Variants in PPP2R5E observed in about 807,000 individuals in gnomAD.
PPP2R5E encodes protein phosphatase 2 regulatory subunit B'epsilon.
Under a neutral mutation model 65.3 loss-of-function variants are expected in PPP2R5E, and 4 were observed. The ratio of observed to expected loss-of-function variants is 0.06; its 90% CI spans 0.03 to 0.14. The LOEUF (loss-of-function observed/expected upper bound fraction) is 0.14, where lower values mean the gene tolerates loss of function less well. Among genes scored for constraint, PPP2R5E ranks in the 10% least tolerant of loss-of-function variants. The pLI is 1.00. For synonymous variants in PPP2R5E, 183 were observed against 187.4 expected, an observed-to-expected ratio of 0.98 and a Z score of 0.19; for missense variants, 274 against 556.1, an observed-to-expected ratio of 0.49 and a Z score of 5.10.
intron 2 of PPP2R5E, among the ~76,000 whole-genome samples, chr14:63,537,243 A>C (rs900834665): frequency 1.3e-4 from 20 of 152,124 alleles, no homozygotes; most frequent in Non-Finnish European, 2.6e-4. Flanking sequence ...TTCTAAAAAA[A>C]AAAATTTAAC....
intron 6 of PPP2R5E, among the ~76,000 whole-genome samples, chr14:63,396,376 G>C (rs1358602143): frequency 8.9e-6 from 1 of 112,546 alleles, no homozygotes; most frequent in Non-Finnish European, 1.8e-5. Flanking sequence ...GGGGAGGAGA[G>C]GAGAAGATGG....
At chr14:63,496,722 A>C (rs139191152) in intron 2 of PPP2R5E, among the ~76,000 whole-genome samples, 52 of 152,242 alleles carry the variant, frequency 3.4e-4, no homozygotes, top group African/African-American at 1.3e-3. Flanking sequence ...TATTGATCTG[A>C]GTAATCAAAA....
At position 63,543,289 on chromosome 14, in the gene PPP2R5E, C is replaced by G. The variant is rs1414210189; in HGVS notation, c.-518G>C. 2.0e-5 allele frequency: 3 copies of G among 153,626 alleles called. No homozygotes were observed. Among genetic ancestry groups the G allele is most frequent in the Non-Finnish European group, 4.4e-5 (3 of 68,920 alleles). The allele number at this position is 153,626 out of a possible 1,614,324, so 9.5% of individuals were successfully genotyped here. ...CCACCTTTCGCTACCCGCGGTGGGTCCCAGTCAATGCCCCTTTCTCTCTCC... is the reference window on the plus strand; with the variant it reads ...CCACCTTTCGCTACCCGCGGTGGGTGCCAGTCAATGCCCCTTTCTCTCTCC... On this transcript the variant is annotated 5_prime_UTR_variant, in exon 1 of 14. Coordinates refer to ENST00000337537, the MANE Select transcript of PPP2R5E (RefSeq NM_006246.5).
chr14:63,477,912 C>T (rs1225504780), intron 2 of PPP2R5E, among the ~76,000 whole-genome samples: 1 of 151,756 alleles, frequency 6.6e-6, no homozygotes, highest in Non-Finnish European at 1.5e-5. Flanking sequence ...ATCCAAAAAT[C>T]CACGAGAGAA....
At chr14:63,386,534 A>T (rs7146445) in intron 11 of PPP2R5E, among the ~76,000 whole-genome samples, 1 of 152,010 alleles carries the variant, frequency 6.6e-6, no homozygotes, top group South Asian at 2.1e-4. Flanking sequence ...GACAGATGCT[A>T]TATCAGATAT....
intron 2 of PPP2R5E, among the ~76,000 whole-genome samples, chr14:63,512,769 G>A (rs1254795717): frequency 1.3e-5 from 2 of 152,042 alleles, no homozygotes; most frequent in Non-Finnish European, 1.5e-5. Context: ...CTGTAATTTT[G>A]AAAACTAAAA....
chr14:63,440,948 C>CAAAAAAAAAA lies in PPP2R5E; in HGVS notation c.354+12731_354+12740dup, dbSNP rs374563795. ...TGGGCAACAGAGCGAGACTCCATCT[C>CAAAAAAAAAA]AAAAAAAAAAAAAAAAAAAGAGTAT... is the stretch of plus-strand genomic sequence containing the variant. On this transcript the variant is annotated intron_variant, in intron 3 of 13. Transcript: ENST00000337537. Among the ~76,000 whole-genome samples the CAAAAAAAAAA allele has an allele frequency of 8.1e-3, 548 of 67,560 alleles. 13 individuals are homozygous for CAAAAAAAAAA. The highest frequency in any genetic ancestry group is 0.012 in the Non-Finnish European group (417 of 34,202). 44.3% of individuals were successfully genotyped at this position (67,560 alleles called of 152,430 possible).
At chr14:63,528,093 A>C (rs1420675400) in intron 2 of PPP2R5E, among the ~76,000 whole-genome samples, 1 of 152,192 alleles carries the variant, frequency 6.6e-6, no homozygotes, top group East Asian at 1.9e-4. Context: ...TTCAAATACA[A>C]AAGGTAGAAA....
intron 2 of PPP2R5E, among the ~76,000 whole-genome samples, chr14:63,529,491 G>C (rs1893320562): frequency 6.6e-6 from 1 of 151,816 alleles, no homozygotes; most frequent in Non-Finnish European, 1.5e-5. Flanking sequence ...CTTCCGAGTA[G>C]CTGGGACTAC....
intron 4 of PPP2R5E, among the ~76,000 whole-genome samples, chr14:63,417,188 T>C (rs560122477): frequency 1.3e-5 from 2 of 152,336 alleles, no homozygotes; most frequent in African/African-American, 2.4e-5. Context: ...CTTTTAAATG[T>C]TGACATGTTT....
chr14:63,425,662 A>T (rs983313670), intron 3 of PPP2R5E, among the ~76,000 whole-genome samples: 2 of 152,240 alleles, frequency 1.3e-5, no homozygotes, highest in Admixed American at 1.3e-4. Context: ...ACTAATAACT[A>T]ATTAGGAATA....
intron 3 of PPP2R5E, among the ~76,000 whole-genome samples, chr14:63,432,039 C>CAA (rs5809200): frequency 3.4e-5 from 4 of 116,208 alleles, no homozygotes; most frequent in South Asian, 2.8e-4. Context: ...AAGGGAATAT[C>CAA]AAAAAAAAAA....
intron 5 of PPP2R5E, among the ~76,000 whole-genome samples, chr14:63,414,473 A>T (rs1320534032): frequency 6.6e-6 from 1 of 152,122 alleles, no homozygotes; most frequent in Non-Finnish European, 1.5e-5. Context: ...ATTTTTAGAG[A>T]CGAATATATC....
rs543429412 is a variant in PPP2R5E at position 63,500,461 on chromosome 14, T to G, written c.157+39068A>C. ...ATTGACTAAATTCTAAACTCAGGAT[T>G]TAGGACAAAATAATAAAACTGATAT... is the stretch of plus-strand genomic sequence containing the variant. On this transcript the variant is annotated intron_variant, in intron 2 of 13. Transcript: ENST00000337537. Among the ~76,000 whole-genome samples the G allele has an allele frequency of 2.0e-5, 3 of 152,260 alleles. No homozygotes were observed. The South Asian group carries it at 6.2e-4, about 32-fold the overall frequency.
intron 2 of PPP2R5E, among the ~76,000 whole-genome samples, chr14:63,501,747 A>G (rs1055708506): frequency 6.6e-6 from 1 of 152,252 alleles, no homozygotes; most frequent in African/African-American, 2.4e-5. Flanking sequence ...GTTAAAAAAT[A>G]TGGTGGTGAC....
At chr14:63,440,783 C>CAAAAAAAAAAAAA (rs763718989) in intron 3 of PPP2R5E, among the ~76,000 whole-genome samples, 1 of 108,842 alleles carries the variant, frequency 9.2e-6, no homozygotes, top group African/African-American at 3.7e-5. Flanking sequence ...CTAAAAAATA[C>CAAAAAAAAAAAAA]AAAAAAAAAA....
At chr14:63,400,493 T>G (rs1193782724) in intron 5 of PPP2R5E, among the ~76,000 whole-genome samples, 2 of 152,146 alleles carry the variant, frequency 1.3e-5, no homozygotes, top group Non-Finnish European at 2.9e-5. Context: ...CAGAAGATGT[T>G]GTTAACTACA....
At chr14:63,394,053 G>A in intron 7 of PPP2R5E, 125 bp from the exon 8 acceptor site, 1 of 402,296 alleles carries the variant, frequency 2.5e-6, no homozygotes, top group Non-Finnish European at 4.5e-6. Flanking sequence ...ACCCACCCCA[G>A]TGGCATTCAG....
chr14:63,384,446 A>G lies in PPP2R5E; in HGVS notation c.1200T>C (p.Asn400=). The change falls in exon 12 of 14, where the codon AAT becomes AAC. Residue 400 remains asparagine, a splice_region_variant and synonymous_variant. Coordinates refer to ENST00000337537, the MANE Select transcript of PPP2R5E (RefSeq NM_006246.5). ...SLYRISKEHW[N]PAIVALVYNV... is the part of the protein sequence containing the mutation. Reference sequence around the variant, plus strand: ...GAGGAAAGAAACTGAAAACCTACGGATTCCAATGTTCTTTTGAAATCCTAT... The same window carrying G: ...GAGGAAAGAAACTGAAAACCTACGGGTTCCAATGTTCTTTTGAAATCCTAT... 1 of 1,612,582 alleles carries G rather than the reference A, an allele frequency of 6.2e-7. No individual in the cohort carries two copies. Among genetic ancestry groups the G allele is most frequent in the Non-Finnish European group, 8.5e-7 (1 of 1,179,486 alleles).
Sources: allele counts gnomAD v4.1 joint callset (sites outside exome capture counted in the v4.1 genomes callset), GRCh38; gene constraint gnomAD v4.1.1; transcripts MANE v1.5; gene names NCBI Gene and HGNC (gene_info 2026-07-23, HGNC 2026-07-21).